The following GALNT13 variants were observed in gnomAD, a reference collection of about 807,000 sequenced individuals.
GALNT13 encodes UDP-GalNAc:polypeptide N-acetylgalactosaminyltransferase 13.
Under a neutral mutation model 64.2 loss-of-function variants are expected in GALNT13, and 28 were observed. The ratio of observed to expected loss-of-function variants is 0.44; its 90% CI spans 0.32 to 0.60. The LOEUF (loss-of-function observed/expected upper bound fraction) is 0.60, where lower values mean the gene tolerates loss of function less well. Among genes scored for constraint, GALNT13 ranks in the 20% least tolerant of loss-of-function variants. GALNT13 has a pLI of 0.05. For synonymous variants in GALNT13, 214 were observed against 224.6 expected (o/e 0.95, Z 0.42); for missense variants, 577 against 669.8 (o/e 0.86, Z 1.53).
chr2:154,097,342 C>A (rs957410663), intron 3 of GALNT13, among the ~76,000 whole-genome samples: 4 of 151,864 alleles, frequency 2.6e-5, no homozygotes, highest in African/African-American at 9.7e-5. Context: ...ATCAGAAATG[C>A]TATTACAGGT....
At chr2:153,283,865 G>C in the GALNT13 span, among the ~76,000 whole-genome samples, 113 of 152,330 alleles carry the variant, frequency 7.4e-4, no homozygotes, top group African/African-American at 2.6e-3. Context: ...TATCTGCACA[G>C]GCAGGGTGGG....
At chr2:153,071,527 T>C in the GALNT13 span, among the ~76,000 whole-genome samples, 1 of 152,196 alleles carries the variant, frequency 6.6e-6, no homozygotes, top group Non-Finnish European at 1.5e-5. Flanking sequence ...GTTATATGTA[T>C]GGACATTATG....
chr2:153,188,309 T>C, the GALNT13 span, among the ~76,000 whole-genome samples: 4 of 152,184 alleles, frequency 2.6e-5, no homozygotes, highest in African/African-American at 9.7e-5. Context: ...ATAGAAATGA[T>C]GGAGTTATCA....
At chr2:154,236,167 T>A (rs1689180623) in intron 4 of GALNT13, 11 of 1,104,438 alleles carry the variant, frequency 1.0e-5, no homozygotes, top group African/African-American at 4.9e-5. Flanking sequence ...TTCTTGCTTT[T>A]ATATGACATA....
At chr2:153,810,164 C>T in the GALNT13 span, among the ~76,000 whole-genome samples, 1 of 152,190 alleles carries the variant, frequency 6.6e-6, no homozygotes, top group South Asian at 2.1e-4. Context: ...AGTGTTTCAC[C>T]TTGTTAGCCA....
chr2:154,385,641 G>T (rs1698477460), intron 9 of GALNT13, among the ~76,000 whole-genome samples: 2 of 151,952 alleles, frequency 1.3e-5, no homozygotes, highest in Non-Finnish European at 2.9e-5. Flanking sequence ...ATGAGAATGT[G>T]TATCCAAAAG....
intron 4 of GALNT13, among the ~76,000 whole-genome samples, chr2:154,200,932 T>G (rs1210761910): frequency 6.6e-6 from 1 of 152,170 alleles, no homozygotes; most frequent in African/African-American, 2.4e-5. Context: ...AATGTATATC[T>G]TATATAATTT....
intron 4 of GALNT13, among the ~76,000 whole-genome samples, chr2:154,157,741 A>G (rs1291371654): frequency 3.3e-5 from 5 of 152,174 alleles, no homozygotes; most frequent in African/African-American, 9.6e-5. Context: ...TATCCCCACA[A>G]TACAGCAAAA....
At chr2:153,157,411 G>A in the GALNT13 span, among the ~76,000 whole-genome samples, 1 of 152,104 alleles carries the variant, frequency 6.6e-6, no homozygotes, top group African/African-American at 2.4e-5. Context: ...CATTGCAATG[G>A]GCTCTGTGTA....
the GALNT13 span, among the ~76,000 whole-genome samples, chr2:153,553,433 T>A: frequency 6.6e-5 from 10 of 151,612 alleles, no homozygotes; most frequent in African/African-American, 2.4e-4. Context: ...GCCTGGGAGG[T>A]CAAGGCTGCA....
At chr2:153,475,627 C>A in the GALNT13 span, among the ~76,000 whole-genome samples, 1 of 152,126 alleles carries the variant, frequency 6.6e-6, no homozygotes, top group Non-Finnish European at 1.5e-5. Flanking sequence ...GTAGGTTTGA[C>A]CCCTCCTTCA....
chr2:153,820,955 T>A, the GALNT13 span, among the ~76,000 whole-genome samples: 1 of 152,126 alleles, frequency 6.6e-6, no homozygotes, highest in Non-Finnish European at 1.5e-5. Flanking sequence ...TCATTCACTG[T>A]CTTCAAGAGA....
At chr2:153,745,478 C>T in the GALNT13 span, among the ~76,000 whole-genome samples, 1 of 152,050 alleles carries the variant, frequency 6.6e-6, no homozygotes, top group Non-Finnish European at 1.5e-5. Flanking sequence ...AATGTGTTAG[C>T]TTCCTGAGGT....
chr2:153,918,859 C>T (rs1014246589), intron 2 of GALNT13, among the ~76,000 whole-genome samples: 3 of 152,036 alleles, frequency 2.0e-5, no homozygotes, highest in African/African-American at 7.2e-5. Flanking sequence ...GTAACTATTA[C>T]CTCTACTCAT....
intron 3 of GALNT13, among the ~76,000 whole-genome samples, chr2:153,947,214 A>C (rs1268768559): frequency 6.6e-6 from 1 of 152,018 alleles, no homozygotes; most frequent in Non-Finnish European, 1.5e-5. Flanking sequence ...AATCCTGGGG[A>C]TATAACTGAG....
the GALNT13 span, among the ~76,000 whole-genome samples, chr2:153,125,291 G>C: frequency 1.7e-4 from 26 of 152,332 alleles, no homozygotes; most frequent in South Asian, 1.0e-3. Context: ...CTGTGATGCT[G>C]ATGAAAGTGT....
the GALNT13 span, among the ~76,000 whole-genome samples, chr2:153,857,518 A>C: frequency 6.6e-6 from 1 of 152,188 alleles, no homozygotes; most frequent in Admixed American, 6.5e-5. Context: ...ACAGGGCCAA[A>C]GCATTCGTAA....
the GALNT13 span, among the ~76,000 whole-genome samples, chr2:153,208,569 G>A: frequency 6.6e-6 from 1 of 152,028 alleles, no homozygotes; most frequent in Non-Finnish European, 1.5e-5. Flanking sequence ...CATTTAATGG[G>A]ATTTCAATTT....
At chr2:153,832,332 G>A in the GALNT13 span, among the ~76,000 whole-genome samples, 2 of 152,052 alleles carry the variant, frequency 1.3e-5, no homozygotes, top group African/African-American at 4.8e-5. Flanking sequence ...GATCTGTGAA[G>A]GCATAAAATA....
Sources: allele counts gnomAD v4.1 joint callset (sites outside exome capture counted in the v4.1 genomes callset), GRCh38; gene constraint gnomAD v4.1.1; transcripts MANE v1.5; gene names NCBI Gene and HGNC (gene_info 2026-07-23, HGNC 2026-07-21).